Variants in HDAC9 observed in about 807,000 individuals in gnomAD.
HDAC9 encodes histone deacetylase 9.
In HDAC9, 41 loss-of-function variants were observed where a neutral mutation model predicts 139.4. The observed-to-expected ratio is 0.29, with a 90% confidence interval of 0.23 to 0.38. The LOEUF (loss-of-function observed/expected upper bound fraction) is 0.38. HDAC9 is among the 10% of genes least tolerant of loss of function. HDAC9 has a pLI of 1.00. For synonymous variants in HDAC9, 517 were observed against 476.2 expected (o/e 1.09, Z -1.12); for missense variants, 1,147 against 1,297.0 (o/e 0.88, Z 1.78).
chr7:18,391,984 C>A (rs1361964031), intron 1 of HDAC9, among the ~76,000 whole-genome samples: 1 of 152,160 alleles, frequency 6.6e-6, no homozygotes, highest in Non-Finnish European at 1.5e-5. Context: ...TTTACTTTTA[C>A]TTGTATCTTT....
intron 1 of HDAC9, among the ~76,000 whole-genome samples, chr7:18,411,600 C>T (rs1369150926): frequency 6.6e-6 from 1 of 152,124 alleles, no homozygotes; most frequent in Non-Finnish European, 1.5e-5. Context: ...TGGTCTTGAT[C>T]TCCTGACCTC....
chr7:18,763,362 A>C (rs1396706878), intron 15 of HDAC9, among the ~76,000 whole-genome samples: 1 of 152,218 alleles, frequency 6.6e-6, no homozygotes, highest in East Asian at 1.9e-4. Context: ...AAATATGCCC[A>C]CACATGCGTG....
upstream of HDAC9, among the ~76,000 whole-genome samples, chr7:18,490,833 ATGAGTGAG>A (rs34164569): frequency 0.013 from 2,039 of 151,520 alleles, 45 homozygotes; most frequent in African/African-American, 0.046. Context: ...GGTAACATCA[ATGAGTGAG>A]TGAGTGAGTG....
At chr7:18,592,961 G>A (rs547398231) in intron 5 of HDAC9, among the ~76,000 whole-genome samples, 15 of 152,052 alleles carry the variant, frequency 9.9e-5, no homozygotes, top group Admixed American at 6.6e-5. Flanking sequence ...TTCATTAGCT[G>A]TTCTCTTAGG....
At chr7:18,745,507 A>C (rs1562906782) in intron 13 of HDAC9, among the ~76,000 whole-genome samples, 2 of 151,480 alleles carry the variant, frequency 1.3e-5, no homozygotes, top group African/African-American at 2.4e-5. Flanking sequence ...AAAGTTAAGC[A>C]ATGTAATGAT....
Position 18,615,312 on chromosome 7 carries a change from G to A in HDAC9, c.665-14038G>A, listed in dbSNP as rs188807218. On this transcript the variant is annotated intron_variant, in intron 6 of 25. Coordinates refer to ENST00000686413, the MANE Select transcript of HDAC9 (RefSeq NM_178425.4). Reference sequence around the variant, plus strand: ...AAAATGAAGTTATTCTTAGAAATAGGCCTATCACAGAGTTGGTATTTGGCT... The same window carrying A: ...AAAATGAAGTTATTCTTAGAAATAGACCTATCACAGAGTTGGTATTTGGCT... 3.7e-3 allele frequency among the ~76,000 whole-genome samples: 566 copies of A among 152,058 alleles called. 4 individuals are homozygous for A. The highest frequency in any genetic ancestry group is 0.013 in the African/African-American group (538 of 41,500).
At chr7:18,877,186 T>G (rs1799380925) in intron 22 of HDAC9, among the ~76,000 whole-genome samples, 1 of 152,158 alleles carries the variant, frequency 6.6e-6, no homozygotes, top group Admixed American at 6.5e-5. Flanking sequence ...CAGCTATACT[T>G]TCTAGAGATG....
At chr7:18,306,974 C>A (rs1798953875) in intron 1 of HDAC9, among the ~76,000 whole-genome samples, 1 of 152,066 alleles carries the variant, frequency 6.6e-6, no homozygotes, top group Admixed American at 6.6e-5. Flanking sequence ...CTCTCGTGGA[C>A]CTCATTCCAC....
intron 14 of HDAC9, among the ~76,000 whole-genome samples, chr7:18,754,715 C>T (rs1335686879): frequency 2.6e-5 from 4 of 152,102 alleles, no homozygotes; most frequent in African/African-American, 9.7e-5. Context: ...ACTGTTGTCC[C>T]TTCAGGGTCT....
intron 22 of HDAC9, among the ~76,000 whole-genome samples, chr7:18,929,746 G>T (rs867177704): frequency 2.5e-4 from 38 of 152,100 alleles, no homozygotes; most frequent in Middle Eastern, 6.8e-3. Context: ...GACTATCCTG[G>T]CCAACCAACA....
intron 17 of HDAC9, among the ~76,000 whole-genome samples, chr7:18,812,839 T>G (rs1047036249): frequency 6.6e-6 from 1 of 152,032 alleles, no homozygotes; most frequent in Admixed American, 6.6e-5. Context: ...TTCATTTTCT[T>G]GAGTCTCATT....
At chr7:18,835,330 A>C (rs1796157758) in intron 19 of HDAC9, 137 bp from the exon 20 acceptor site, 1 of 971,158 alleles carries the variant, frequency 1.0e-6, no homozygotes, top group Non-Finnish European at 1.5e-6. Flanking sequence ...AAAGGGAGAA[A>C]GAAAAGAGGA....
chr7:18,381,450 A>T (rs1785439248), intron 1 of HDAC9, among the ~76,000 whole-genome samples: 1 of 151,954 alleles, frequency 6.6e-6, no homozygotes, highest in African/African-American at 2.4e-5. Context: ...AAATCACGGG[A>T]GATTTAAAAG....
intron 21 of HDAC9, among the ~76,000 whole-genome samples, chr7:18,849,869 T>C (rs1018491854): frequency 1.1e-4 from 17 of 152,132 alleles, no homozygotes; most frequent in African/African-American, 4.1e-4. Context: ...TATCATGGTG[T>C]GGCAATGCCA....
intron 2 of HDAC9, among the ~76,000 whole-genome samples, chr7:18,529,889 C>G (rs1808282022): frequency 1.3e-5 from 2 of 152,086 alleles, no homozygotes; most frequent in African/African-American, 4.8e-5. Context: ...GCATTTTGCT[C>G]TGCTTGTCCC....
In HDAC9 at chr7:18,153,505, G is replaced by T. The variant is rs183325110; in HGVS notation, c.-96-8724G>T. On this transcript the variant is annotated intron_variant, in intron 1 of 12. Coordinates refer to the HDAC9 transcript ENST00000417496. Reference sequence around the variant, plus strand: ...AAAGTTCTGTACAAATGAAGACTTGGCCCTCTACCAGCCTGATTGGTTGTG... The same window carrying T: ...AAAGTTCTGTACAAATGAAGACTTGTCCCTCTACCAGCCTGATTGGTTGTG... Among the ~76,000 whole-genome samples, 203 of 152,240 alleles carry T rather than the reference G, an allele frequency of 1.3e-3. 2 individuals are homozygous for T. The highest frequency in any genetic ancestry group is 2.1e-3 in the Non-Finnish European group (140 of 68,010).
chr7:18,613,536 C>T (rs1170632091), intron 6 of HDAC9, among the ~76,000 whole-genome samples: 1 of 152,026 alleles, frequency 6.6e-6, no homozygotes, highest in Non-Finnish European at 1.5e-5. Flanking sequence ...CTATCCCTCT[C>T]CTAAACAATG....
chr7:18,650,422 A>G (rs10278707), intron 11 of HDAC9, among the ~76,000 whole-genome samples: 4,595 of 152,242 alleles, frequency 0.03, 261 homozygotes, highest in African/African-American at 0.1. Context: ...TCACTTTGAA[A>G]TTGTGATCCA....
At chr7:18,944,794 A>G (rs1361032051) in intron 23 of HDAC9, among the ~76,000 whole-genome samples, 2 of 152,162 alleles carry the variant, frequency 1.3e-5, no homozygotes, top group African/African-American at 4.8e-5. Flanking sequence ...TATCCATGAA[A>G]TCATACAATA....
Sources: allele counts gnomAD v4.1 joint callset (sites outside exome capture counted in the v4.1 genomes callset), GRCh38; gene constraint gnomAD v4.1.1; transcripts MANE v1.5; gene names NCBI Gene and HGNC (gene_info 2026-07-23, HGNC 2026-07-21).